Variants in FH observed in about 807,000 individuals in gnomAD.
The protein encoded by FH is fumarate hydratase, mitochondrial.
Under a neutral mutation model 49.4 loss-of-function variants are expected in FH, and 22 were observed. The ratio of observed to expected loss-of-function variants is 0.45; its 90% CI spans 0.32 to 0.64. The LOEUF (loss-of-function observed/expected upper bound fraction) is 0.64, where lower values mean the gene tolerates loss of function less well. Among genes scored for constraint, FH ranks in the 30% least tolerant of loss-of-function variants. The pLI is 0.05. For synonymous variants in FH, 208 were observed against 223.0 expected (o/e 0.93, Z 0.60); for missense variants, 526 against 641.5 (o/e 0.82, Z 1.95).
intron 1 of FH, 65 bp from the exon 2 acceptor site, chr1:241,517,381 C>G: frequency 6.4e-7 from 1 of 1,566,134 alleles, no homozygotes; most frequent in South Asian, 1.1e-5. Context: ...GTAATCGCAT[C>G]TTATCAGCTG....
intron 3 of FH, among the ~76,000 whole-genome samples, chr1:241,513,322 T>A (rs1358908726): frequency 1.3e-5 from 2 of 152,036 alleles, no homozygotes; most frequent in African/African-American, 2.4e-5. Context: ...TCAAGTAAAG[T>A]TCAAATGATA....
chr1:241,518,699 C>T (rs1161434180), intron 1 of FH, among the ~76,000 whole-genome samples: 3 of 152,224 alleles, frequency 2.0e-5, no homozygotes, highest in African/African-American at 7.2e-5. Flanking sequence ...CCTCATGCTA[C>T]ACCAGTGCAG....
At chr1:241,518,596 T>C (rs1660282952) in intron 1 of FH, among the ~76,000 whole-genome samples, 1 of 152,226 alleles carries the variant, frequency 6.6e-6, no homozygotes, top group Admixed American at 6.5e-5. Context: ...GAGCACTCGC[T>C]ACATGGTATT....
intron 4 of FH, among the ~76,000 whole-genome samples, chr1:241,511,482 A>G (rs1229889816): frequency 6.6e-6 from 1 of 152,184 alleles, no homozygotes; most frequent in Non-Finnish European, 1.5e-5. Flanking sequence ...ATGTGACTAA[A>G]TGTAATGTAT....
chr1:241,503,204 T>C (rs971993615), intron 7 of FH, among the ~76,000 whole-genome samples: 2 of 152,222 alleles, frequency 1.3e-5, no homozygotes, highest in Non-Finnish European at 2.9e-5. Context: ...CCCAGTTCTC[T>C]TTCTTTTGGC....
rs1291256179 is a variant in FH, at chr1:241,512,597, C to T, written c.379-454G>A. On this transcript the variant is annotated intron_variant, in intron 3 of 9. Coordinates refer to ENST00000366560, the MANE Select transcript of FH (RefSeq NM_000143.4). ...AGAAATAAACGCTGCCCAGATTTGC[C>T]CCTATTTTTGTTGTATTTTTATACA... is the stretch of plus-strand genomic sequence containing the variant. Among the ~76,000 whole-genome samples the T allele has an allele frequency of 2.6e-5, 4 of 151,908 alleles. No individual in the cohort carries two copies. In the South Asian group the frequency reaches 6.2e-4, roughly 24 times the overall value.
At chr1:241,515,497 C>T (rs1206582234) in intron 2 of FH, among the ~76,000 whole-genome samples, 3 of 151,928 alleles carry the variant, frequency 2.0e-5, no homozygotes, top group East Asian at 3.9e-4. Context: ...CTATGTTTAC[C>T]TCACCACCAA....
At chr1:241,518,564 C>A (rs1660281290) in intron 1 of FH, among the ~76,000 whole-genome samples, 1 of 152,104 alleles carries the variant, frequency 6.6e-6, no homozygotes, top group Admixed American at 6.5e-5. Context: ...TTGAAATACC[C>A]TAGATGGGGC....
rs145116688 is a variant in FH at position 241,517,255 on chromosome 1, T to C, written c.194A>G (p.Asp65Gly). Residue 65 changes from aspartate to glycine, a missense_variant, in exon 2 of 10, where the codon GAT (aspartate) becomes GGT (glycine). Transcript: ENST00000366560. ...CACGGTCTGGGCGCCATAATACTTA[T>C]CATTTGGCACCTTTAGTTCACCAAA... is the stretch of plus-strand genomic sequence containing the variant. ...DTFGELKVPN[D>G]KYYGAQTVRS... 6.1e-5 allele frequency: 99 copies of C among 1,614,064 alleles called. No homozygotes were observed. Among genetic ancestry groups the C allele is most frequent in the Non-Finnish European group, 7.8e-5 (92 of 1,180,048 alleles).
At chr1:241,516,365 G>A (rs1036677093) in intron 2 of FH, among the ~76,000 whole-genome samples, 6 of 152,308 alleles carry the variant, frequency 3.9e-5, no homozygotes, top group African/African-American at 1.4e-4. Context: ...CAGAGATATG[G>A]ATGGAGCTAG....
intron 8 of FH, among the ~76,000 whole-genome samples, chr1:241,501,002 A>G (rs1038416874): frequency 2.0e-5 from 3 of 152,210 alleles, no homozygotes; most frequent in Admixed American, 2.0e-4. Flanking sequence ...AAGGAAGAGG[A>G]GCAAAGATGC....
Position 241,497,740 on chromosome 1 carries a change from T to A in FH, c.*88A>T, listed in dbSNP as rs1659657212. ...AGAGATGCTTAAGTTCAATAGCAGT[T>A]TCCTTTCAAACTTATCCGTTTTTAA... On this transcript the variant is annotated 3_prime_UTR_variant, in exon 10 of 10. Transcript: ENST00000366560. 7.9e-7 allele frequency: 1 copy of A among 1,262,376 alleles called. No individual in the cohort carries two copies. Among genetic ancestry groups the A allele is most frequent in the Admixed American group, 2.1e-5 (1 of 47,444 alleles). The allele number at this position is 1,262,376 out of a possible 1,614,324, so 78.2% of individuals were successfully genotyped here.
chr1:241,499,929 C>T (rs989619019), intron 9 of FH, among the ~76,000 whole-genome samples: 31 of 152,148 alleles, frequency 2.0e-4, no homozygotes, highest in African/African-American at 7.5e-4. Context: ...AAAATATTTG[C>T]ATTTTCCTTC....
chr1:241,499,666 A>G (rs1659719388), intron 9 of FH, among the ~76,000 whole-genome samples: 1 of 152,246 alleles, frequency 6.6e-6, no homozygotes, highest in Non-Finnish European at 1.5e-5. Flanking sequence ...TAAGTGAATC[A>G]TAACTTGTTC....
chr1:241,519,360 C>T, intron 1 of FH: 2 of 523,942 alleles, frequency 3.8e-6, no homozygotes, highest in South Asian at 2.7e-5. Context: ...CCCTCTCTGA[C>T]AGCCCCCGTC....
chr1:241,517,474 C>T (rs916627744), intron 1 of FH, among the ~76,000 whole-genome samples, 158 bp from the exon 2 acceptor site: 1 of 152,314 alleles, frequency 6.6e-6, no homozygotes, highest in Admixed American at 6.5e-5. Context: ...ACTTTCAGGT[C>T]TTTCCTTGAG....
At chr1:241,501,518 T>C (rs1403362639) in intron 8 of FH, among the ~76,000 whole-genome samples, 2 of 152,220 alleles carry the variant, frequency 1.3e-5, no homozygotes, top group African/African-American at 2.4e-5. Context: ...CACTAGGATA[T>C]ACATTCCATG....
intron 2 of FH, among the ~76,000 whole-genome samples, chr1:241,516,903 G>C (rs569276359): frequency 6.6e-6 from 1 of 151,338 alleles, no homozygotes; most frequent in South Asian, 2.1e-4. Context: ...TGCCCACCTT[G>C]GCCTCCCAAA....
Position 241,517,308 on chromosome 1 carries a change from T to C in FH, c.141A>G (p.Gln47=), listed in dbSNP as rs1573888563. The change falls in exon 2 of 10, where the codon CAA becomes CAG. Residue 47 remains glutamine, a synonymous_variant. Transcript: ENST00000366560. ...WPPNAARMAS[Q]NSFRIEYDTF... is the part of the protein sequence containing the mutation. The stretch of plus-strand genomic sequence containing the variant: ...TATCATATTCTATCCGGAAGGAATT[T>C]TGGCTTGCCTAAAGACAAGAATACA... 2 of 1,614,104 alleles carry C rather than the reference T, an allele frequency of 1.2e-6. No homozygotes were observed. The highest frequency in any genetic ancestry group is 1.1e-5 in the South Asian group (1 of 91,086).
Sources: allele counts gnomAD v4.1 joint callset (sites outside exome capture counted in the v4.1 genomes callset), GRCh38; gene constraint gnomAD v4.1.1; transcripts MANE v1.5; gene names NCBI Gene and HGNC (gene_info 2026-07-23, HGNC 2026-07-21).